The following TET2 variants were observed in gnomAD, a reference collection of about 807,000 sequenced individuals.
TET2 encodes tet methylcytosine dioxygenase 2, also known as methylcytosine dioxygenase TET2.
In TET2, 299 loss-of-function variants were observed where a neutral mutation model predicts 142.9. The ratio of observed to expected loss-of-function variants is 2.09; its 90% CI spans 1.90 to 2.30. TET2 has a LOEUF of 2.30. Ranked by LOEUF, TET2 falls within the 30% of genes most tolerant of loss-of-function variation. The pLI is 0.00. For synonymous variants in TET2, 819 were observed against 849.0 expected (o/e 0.96, Z 0.61); for missense variants, 2,418 against 2,378.0 (o/e 1.02, Z -0.35).
Position 105,278,663 on chromosome 4 carries a change from G to T in TET2, c.*2144G>T, listed in dbSNP as rs1423673088. The T allele has an allele frequency of 4.3e-6, 1 of 232,040 alleles. No homozygotes were observed. The highest frequency in any genetic ancestry group is 2.2e-5 in the African/African-American group (1 of 45,150). 14.4% of individuals were successfully genotyped at this position (232,040 alleles called of 1,614,324 possible). A position where few individuals can be genotyped will look rare whatever the true frequency, so the allele number is the denominator to read the frequency against. ...TAAAACTAATTTTGTAAATCTGTTGGCTCTTTTTATTGTAAAGAAAAGCAT... is the reference window on the plus strand; with the variant it reads ...TAAAACTAATTTTGTAAATCTGTTGTCTCTTTTTATTGTAAAGAAAAGCAT... On this transcript the variant is annotated 3_prime_UTR_variant, in exon 11 of 11. Transcript: ENST00000380013.
intron 2 of TET2, among the ~76,000 whole-genome samples, chr4:105,222,878 G>C (rs1399432908): frequency 2.4e-4 from 35 of 148,110 alleles, no homozygotes; most frequent in Admixed American, 4.7e-4. Flanking sequence ...AATCCATCTT[G>C]AATTGATTTT....
Position 105,261,853 on chromosome 4 carries a change from G to A in TET2, c.4044+5G>A. The A allele has an allele frequency of 6.6e-7, 1 of 1,509,866 alleles. No homozygotes were observed. The highest frequency in any genetic ancestry group is 9.0e-7 in the Non-Finnish European group (1 of 1,113,274). The allele number at this position is 1,509,866 out of a possible 1,614,324, so 93.5% of individuals were successfully genotyped here. ...CCTGATGCATATAATAATCAGGTAA[G>A]TTTAAATAATCATTGGCAGCAATTG... is the stretch of plus-strand genomic sequence containing the variant. On this transcript the variant is annotated splice_donor_5th_base_variant and intron_variant, in intron 8 of 10. Transcript: ENST00000380013.
intron 9 of TET2, 107 bp from the exon 10 acceptor site, chr4:105,272,457 A>T: frequency 1.4e-6 from 1 of 724,018 alleles, no homozygotes; most frequent in Non-Finnish European, 2.2e-6. Context: ...TGGATCAACT[A>T]GGCCACCAAC....
At chr4:105,239,160 T>A (rs573829462) in intron 3 of TET2, 1 of 238,466 alleles carries the variant, frequency 4.2e-6, no homozygotes, top group Non-Finnish European at 8.9e-6. Context: ...TGTGTTATCA[T>A]CCAGACTTTG....
At position 105,234,963 on chromosome 4, in the gene TET2, C is replaced by T. The variant is rs751272814; in HGVS notation, c.1021C>T (p.Gln341Ter). 2 of 1,613,884 alleles carry T rather than the reference C, an allele frequency of 1.2e-6. No individual in the cohort carries two copies. The change falls in exon 3 of 11, where the codon CAG (glutamine) becomes TAG (stop). Residue 341 changes from glutamine to a stop codon, truncating the protein, a stop_gained. Coordinates refer to ENST00000380013, the MANE Select transcript of TET2 (RefSeq NM_001127208.3). LOFTEE classifies it high-confidence loss of function. ...ICPSPAENNI[Q>*]GTTKLASGEE... Reference sequence around the variant, plus strand: ...CCCATCTCCTGCAGAAAATAACATCCAGGGAACCACAAAGCTAGCGTCTGG... The same window carrying T: ...CCCATCTCCTGCAGAAAATAACATCTAGGGAACCACAAAGCTAGCGTCTGG...
intron 1 of TET2, among the ~76,000 whole-genome samples, chr4:105,173,645 A>C (rs1185212262): frequency 6.6e-6 from 1 of 152,198 alleles, no homozygotes; most frequent in African/African-American, 2.4e-5. Context: ...AATTTGCTAC[A>C]AGAATGCAAA....
rs1157107314 is a variant in TET2 at position 105,272,700 on chromosome 4, G to A, written c.4319G>A (p.Arg1440Gln). ...GTGGAAGCTCAGGAGGAGAAAAAAC[G>A]GAGTGGTGCCATTCAGGTACTGAGT... ...GSVEAQEEKK[R>Q]SGAIQVLSSF... The change falls in exon 10 of 11, where the codon CGG (arginine) becomes CAG (glutamine). Residue 1440 changes from arginine to glutamine, a missense_variant. By Grantham distance (43) the Arg-to-Gln change is conservative. Transcript: ENST00000380013. 1.1e-5 allele frequency: 17 copies of A among 1,551,604 alleles called. No individual in the cohort carries two copies. Among genetic ancestry groups the A allele is most frequent in the Admixed American group, 2.0e-5 (1 of 50,984 alleles).
At chr4:105,246,929 T>C (rs1222569217) in intron 6 of TET2, among the ~76,000 whole-genome samples, 1 of 152,204 alleles carries the variant, frequency 6.6e-6, no homozygotes, top group Admixed American at 6.5e-5. Flanking sequence ...AGATTTCCCT[T>C]TGAGATTTCC....
At chr4:105,257,282 TAAATA>T (rs1458629265) in intron 6 of TET2, among the ~76,000 whole-genome samples, 8 of 152,230 alleles carry the variant, frequency 5.3e-5, no homozygotes, top group South Asian at 2.1e-4. Flanking sequence ...AAAATAAAAA[TAAATA>T]AAATAATATA....
At chr4:105,156,565 C>G (rs182886851) in intron 1 of TET2, among the ~76,000 whole-genome samples, 1 of 152,088 alleles carries the variant, frequency 6.6e-6, no homozygotes, top group East Asian at 1.9e-4. Context: ...GCTTCTATGT[C>G]CAGGTTATAC....
rs1553918861 is a variant in TET2, at chr4:105,278,203, T to TATATATCTATATA, written c.*1684_*1685insATATATCTATATA. The TATATATCTATATA allele has an allele frequency of 6.3e-6, 1 of 159,046 alleles. No homozygotes were observed. Among genetic ancestry groups the TATATATCTATATA allele is most frequent in the African/African-American group, 2.7e-5 (1 of 37,118 alleles). 9.9% of individuals were successfully genotyped at this position (159,046 alleles called of 1,614,324 possible). A position where few individuals can be genotyped will look rare whatever the true frequency, so the allele number is the denominator to read the frequency against. Reference sequence around the variant, plus strand: ...ATATATATATATATATATATATATATGAGTTTGAAGCAGAATTCACATCAT... The same window carrying TATATATCTATATA: ...ATATATATATATATATATATATATATATATATCTATATAGAGTTTGAAGCAGAATTCACATCAT... On this transcript the variant is annotated 3_prime_UTR_variant, in exon 11 of 11. Transcript: ENST00000380013.
chr4:105,241,469 C>T lies in TET2; in HGVS notation c.3500+40C>T, dbSNP rs1237252350. On this transcript the variant is annotated intron_variant, in intron 4 of 10. Transcript: ENST00000380013. ...GGCACAGGGCAGATTAACGTTTATCCTTTTGTATATGTCAGAATTTTTCCA... is the reference window on the plus strand; with the variant it reads ...GGCACAGGGCAGATTAACGTTTATCTTTTTGTATATGTCAGAATTTTTCCA... 2.6e-6 allele frequency: 4 copies of T among 1,520,676 alleles called. No individual in the cohort carries two copies. The South Asian group carries it at 5.1e-5, about 19-fold the overall frequency. The allele number at this position is 1,520,676 out of a possible 1,614,324, so 94.2% of individuals were successfully genotyped here.
rs183592570 is a variant in TET2, at chr4:105,222,400, C to T, written c.-46-11497C>T. On this transcript the variant is annotated intron_variant, in intron 2 of 10. Coordinates refer to ENST00000380013, the MANE Select transcript of TET2 (RefSeq NM_001127208.3). ...TGTTGTGTCCTCACTTTTTAATGAT[C>T]GCCATTCTAACTGGTGTGAGATGAT... Among the ~76,000 whole-genome samples, 188 of 152,266 alleles carry T rather than the reference C, an allele frequency of 1.2e-3. 1 individual carries two copies. Among genetic ancestry groups the T allele is most frequent in the African/African-American group, 3.9e-3 (162 of 41,572 alleles).
chr4:105,243,671 G>A lies in TET2; in HGVS notation c.3696G>A (p.Val1232=), dbSNP rs1729427587. The A allele has an allele frequency of 6.4e-7, 1 of 1,551,592 alleles. No homozygotes were observed. Among genetic ancestry groups the A allele is most frequent in the Non-Finnish European group, 8.7e-7 (1 of 1,146,952 alleles). The change falls in exon 6 of 11, where the codon GTG becomes GTA. Residue 1232 remains valine (V), a synonymous_variant. Transcript: ENST00000380013. ...EAAVIVILIL[V]WEGIPLSLAD... The stretch of plus-strand genomic sequence containing the variant: ...CAGTGATTGTGATTCTCATCCTGGT[G>A]TGGGAAGGAATCCCGCTGTCTCTGG...
At chr4:105,254,415 TATC>T (rs1199396353) in intron 6 of TET2, among the ~76,000 whole-genome samples, 1 of 152,206 alleles carries the variant, frequency 6.6e-6, no homozygotes, top group Admixed American at 6.5e-5. Flanking sequence ...ATTTCTTTAT[TATC>T]CTTTGTTTTT....
chr4:105,246,143 G>A (rs991433758), intron 6 of TET2, among the ~76,000 whole-genome samples: 10 of 151,994 alleles, frequency 6.6e-5, no homozygotes, highest in Non-Finnish European at 1.3e-4. Flanking sequence ...GATTGATCTC[G>A]AACTCCTGGC....
chr4:105,171,925 C>T (rs1013016484), intron 1 of TET2, among the ~76,000 whole-genome samples: 1 of 152,146 alleles, frequency 6.6e-6, no homozygotes, highest in Admixed American at 6.5e-5. Context: ...ATTTCTCAGA[C>T]AGGTAAGATA....
At position 105,259,680 on chromosome 4, in the gene TET2, T is replaced by G. The variant is rs1730325393; in HGVS notation, c.3865T>G (p.Cys1289Gly). Residue 1289 changes from cysteine (C) to glycine (G), a missense_variant, in exon 7 of 11, where the codon TGT (cysteine) becomes GGT (glycine). Coordinates refer to ENST00000380013, the MANE Select transcript of TET2 (RefSeq NM_001127208.3). The part of the protein sequence containing the change: ...ETCGASFSFG[C>G]SWSMYYNGCK... Reference sequence around the variant, plus strand: ...CTGTGGTGCCTCCTTCTCTTTTGGTTGTTCATGGAGCATGTACTACAATGG... The same window carrying G: ...CTGTGGTGCCTCCTTCTCTTTTGGTGGTTCATGGAGCATGTACTACAATGG... The G allele has an allele frequency of 6.4e-7, 1 of 1,551,116 alleles. No individual in the cohort carries two copies. Among genetic ancestry groups the G allele is most frequent in the Non-Finnish European group, 8.7e-7 (1 of 1,146,614 alleles).
intron 2 of TET2, among the ~76,000 whole-genome samples, chr4:105,208,062 G>GA: frequency 6.6e-6 from 1 of 152,150 alleles, no homozygotes; most frequent in Non-Finnish European, 1.5e-5. Context: ...CTGAAGATTA[G>GA]AAGTACAGAT....
Sources: allele counts gnomAD v4.1 joint callset (sites outside exome capture counted in the v4.1 genomes callset), GRCh38; gene constraint gnomAD v4.1.1; transcripts MANE v1.5; gene names NCBI Gene and HGNC (gene_info 2026-07-23, HGNC 2026-07-21).